The following SORL1 variants were observed in gnomAD, a reference collection of about 807,000 sequenced individuals.
SORL1 encodes the protein sortilin related receptor 1.
In SORL1, 127 loss-of-function variants were observed where a neutral mutation model predicts 273.7. The observed-to-expected ratio is 0.46, with a 90% CI of 0.40 to 0.54. SORL1 has a LOEUF of 0.54. Ranked by LOEUF, SORL1 falls within the 20% of genes least tolerant of loss-of-function variation. The pLI is 0.00. For missense variants in SORL1, 2,494 were observed against 2,846.1 expected (o/e 0.88, Z 2.81); for synonymous variants, 1,031 against 1,067.4 (o/e 0.97, Z 0.66).
At chr11:121,613,740 G>C (rs1346117149) in intron 40 of SORL1, among the ~76,000 whole-genome samples, 1 of 152,206 alleles carries the variant, frequency 6.6e-6, no homozygotes, top group African/African-American at 2.4e-5. Context: ...CATACGCTCA[G>C]ACGGTGGCAG....
chr11:121,599,541 A>G (rs1863354298), intron 32 of SORL1, among the ~76,000 whole-genome samples: 1 of 152,212 alleles, frequency 6.6e-6, no homozygotes. Flanking sequence ...CGAAACTGTC[A>G]AATAAATAAA....
chr11:121,462,681 C>T lies in SORL1; in HGVS notation c.286-7326C>T, dbSNP rs563861786. Among the ~76,000 whole-genome samples, 7 of 152,236 alleles carry T rather than the reference C, an allele frequency of 4.6e-5. No homozygotes were observed. The East Asian group carries it at 1.4e-3, about 29-fold the overall frequency. Reference sequence around the variant, plus strand: ...CTCACTGCGGCCTCGATCTCTTGGGCACAAGCGATCCTCCCACCTCAGACT... The same window carrying T: ...CTCACTGCGGCCTCGATCTCTTGGGTACAAGCGATCCTCCCACCTCAGACT... On this transcript the variant is annotated intron_variant, in intron 1 of 47. Transcript: ENST00000260197.
intron 32 of SORL1, among the ~76,000 whole-genome samples, chr11:121,602,284 G>A (rs1620003): frequency 0.43 from 65,616 of 152,106 alleles, 17,476 homozygotes; most frequent in Non-Finnish European, 0.61. Context: ...AGCCTCATAA[G>A]TGGTTTTGAT....
At chr11:121,461,446 A>G (rs1277537531) in intron 1 of SORL1, among the ~76,000 whole-genome samples, 1 of 152,238 alleles carries the variant, frequency 6.6e-6, no homozygotes, top group Non-Finnish European at 1.5e-5. Flanking sequence ...CTGGTAGCCC[A>G]GAGGGCATCT....
At chr11:121,566,910 C>T (rs1201045239) in intron 21 of SORL1, 30 bp from the exon 22 acceptor site, 21 of 1,601,916 alleles carry the variant, frequency 1.3e-5, no homozygotes, top group Non-Finnish European at 1.8e-5. Context: ...TGTGTATTAA[C>T]CTACCTGCTG....
intron 3 of SORL1, among the ~76,000 whole-genome samples, chr11:121,483,135 T>C (rs1210103157): frequency 6.6e-6 from 1 of 152,238 alleles, no homozygotes; most frequent in African/African-American, 2.4e-5. Flanking sequence ...TGCTCTGCCA[T>C]ACATCCTGGG....
At chr11:121,599,561 C>A (rs1619545) in intron 32 of SORL1, among the ~76,000 whole-genome samples, 65,900 of 152,002 alleles carry the variant, frequency 0.43, 17,449 homozygotes, top group Non-Finnish European at 0.61. Context: ...AAAAATAAAC[C>A]AAATAAATTC....
intron 39 of SORL1, 163 bp from the exon 40 acceptor site, chr11:121,612,573 A>G (rs1038170270): frequency 9.3e-6 from 5 of 535,730 alleles, no homozygotes; most frequent in Admixed American, 3.4e-5. Context: ...TAATGGTAGC[A>G]CAAGTAGAAC....
rs1862488621 is a variant in SORL1, at chr11:121,550,293, C to T, written c.2180+205C>T. 6.6e-6 allele frequency among the ~76,000 whole-genome samples: 1 copy of T among 152,194 alleles called. No homozygotes were observed. The highest frequency in any genetic ancestry group is 2.1e-4 in the South Asian group (1 of 4,830). ...TGCAAGTCTGTAAGCATCCCTGAAACTCTAGGAATATCTTAAGTCATCAAC... is the reference window on the plus strand; with the variant it reads ...TGCAAGTCTGTAAGCATCCCTGAAATTCTAGGAATATCTTAAGTCATCAAC... On this transcript the variant is annotated intron_variant, in intron 15 of 47. Transcript: ENST00000260197. This position sits in a 1 kb window ranked among gnomAD's most constrained non-coding sequence, Gnocchi z 5.3.
chr11:121,485,372 C>G (rs192611067), intron 3 of SORL1, among the ~76,000 whole-genome samples: 6 of 152,290 alleles, frequency 3.9e-5, no homozygotes, highest in Admixed American at 6.5e-5. Flanking sequence ...GTGAACCAGT[C>G]AGATATTGAC....
intron 7 of SORL1, among the ~76,000 whole-genome samples, chr11:121,513,795 A>G (rs1439413273): frequency 1.3e-5 from 2 of 152,210 alleles, no homozygotes; most frequent in Non-Finnish European, 2.9e-5. Context: ...TCACCTTAGG[A>G]AAAATAAAGG....
intron 7 of SORL1, among the ~76,000 whole-genome samples, chr11:121,513,651 C>T (rs917580578): frequency 6.6e-5 from 10 of 152,132 alleles, no homozygotes; most frequent in South Asian, 6.2e-4. Flanking sequence ...CACAGTGAAA[C>T]GTCTTGACAT....
At chr11:121,490,320 G>A (rs550565173) in intron 5 of SORL1, among the ~76,000 whole-genome samples, 134 of 152,292 alleles carry the variant, frequency 8.8e-4, no homozygotes, top group Non-Finnish European at 1.6e-3. Context: ...TTTATGAGAG[G>A]AGTGGTAGAG....
At chr11:121,626,382 G>C (rs567722637) in intron 46 of SORL1, 1 of 151,708 alleles carries the variant, frequency 6.6e-6, no homozygotes, top group Non-Finnish European at 1.5e-5. Flanking sequence ...TGCTCCAGCC[G>C]CACACACCCC....
Position 121,627,750 on chromosome 11 carries a change from C to A in SORL1, c.6560C>A (p.Ser2187Tyr). ...YSSRLGSAIF[S>Y]SGDDLGEDDE... ...TCCAGGCTGGGGTCCGCAATCTTCT[C>A]CTCTGGGGATGACCTGGGTAAGTGG... The change falls in exon 47 of 48, where the codon TCC becomes TAC. Residue 2187 changes from serine to tyrosine, a missense_variant. Physicochemically the swap from Ser to Tyr is moderately radical, Grantham distance 144. This residue lies in a region of SORL1 where 1,609 missense variants were observed against 1,816.4 expected (regional missense o/e 0.89). Coordinates refer to ENST00000260197, the MANE Select transcript of SORL1 (RefSeq NM_003105.6). The surrounding 1 kb of genome is among the most constrained non-coding windows in gnomAD (Gnocchi z 4.9). 2 of 1,613,626 alleles carry A rather than the reference C, an allele frequency of 1.2e-6. No individual in the cohort carries two copies. Among genetic ancestry groups the A allele is most frequent in the Non-Finnish European group, 1.7e-6 (2 of 1,179,790 alleles).
At chr11:121,589,413 T>C in intron 29 of SORL1, 23 bp downstream of exon 29, 1 of 1,611,578 alleles carries the variant, frequency 6.2e-7, no homozygotes, top group South Asian at 1.1e-5. Flanking sequence ...GTCTGCCTCC[T>C]CACATCCTAA....
At chr11:121,535,767 C>T (rs1862258745) in intron 12 of SORL1, among the ~76,000 whole-genome samples, 2 of 151,700 alleles carry the variant, frequency 1.3e-5, no homozygotes, top group African/African-American at 4.8e-5. Context: ...TTTGTTTCAG[C>T]TTCTGCCTTG....
intron 42 of SORL1, among the ~76,000 whole-genome samples, 199 bp from the exon 43 acceptor site, chr11:121,619,554 G>A (rs1863690700): frequency 6.6e-6 from 1 of 152,112 alleles, no homozygotes; most frequent in South Asian, 2.1e-4. Flanking sequence ...GGGGATTTCT[G>A]GAAGGAAGCA....
rs1348796109 is a variant in SORL1 at position 121,553,994 on chromosome 11, C to G, written c.2324C>G (p.Ala775Gly). 1.9e-6 allele frequency: 3 copies of G among 1,614,178 alleles called. No individual in the cohort carries two copies. ...VRKSIYRYDL[A>G]SGATEQLPLT... is the part of the protein sequence containing the mutation. ...AAATCCATCTACCGCTATGACCTGG[C>G]CTCGGGAGCCACCGAGCAGTTGCCT... The change falls in exon 17 of 48, where the codon GCC (alanine) becomes GGC (glycine). Residue 775 changes from alanine (A) to glycine (G), a missense_variant. Ala to Gly is a moderately conservative substitution (Grantham distance 60). This residue lies in a region of SORL1 where 710 missense variants were observed against 882.5 expected (regional missense o/e 0.80). Transcript: ENST00000260197.
Sources: allele counts gnomAD v4.1 joint callset (sites outside exome capture counted in the v4.1 genomes callset), GRCh38; gene constraint gnomAD v4.1.1; regional missense constraint gnomAD v4.1.1; non-coding constraint Gnocchi (gnomAD v3.1); transcripts MANE v1.5; gene names NCBI Gene and HGNC (gene_info 2026-07-23, HGNC 2026-07-21).